LPGAT1: variants seen among roughly 807,000 people sequenced by gnomAD.
The protein encoded by LPGAT1 is acyl-CoA:lysophosphatidylglycerol acyltransferase 1.
LPGAT1 carries 11 observed loss-of-function variants against 47.5 expected under a neutral mutation model. The ratio of observed to expected loss-of-function variants is 0.23; its 90% CI spans 0.15 to 0.38. LPGAT1 has a LOEUF of 0.38. LPGAT1 is among the 10% of genes least tolerant of loss of function. The probability of loss-of-function intolerance (pLI) is 1.00; values close to 1 mark genes in which losing one functional copy is unlikely to be tolerated. For missense variants in LPGAT1, 293 were observed against 439.0 expected, an observed-to-expected ratio of 0.67 and a Z score of 2.97; for synonymous variants, 138 against 144.2, an observed-to-expected ratio of 0.96 and a Z score of 0.31.
At chr1:211,785,064 A>C (rs1185274813) in intron 4 of LPGAT1, among the ~76,000 whole-genome samples, 1 of 152,044 alleles carries the variant, frequency 6.6e-6, no homozygotes, top group East Asian at 1.9e-4. Context: ...TGGCCTCCCA[A>C]AGTGCTGGGA....
chr1:211,757,254 CAAA>C (rs201385915), intron 6 of LPGAT1, among the ~76,000 whole-genome samples: 1 of 135,306 alleles, frequency 7.4e-6, no homozygotes, highest in African/African-American at 2.7e-5. Flanking sequence ...AATTCTGTCT[CAAA>C]AAAAAAAAAA....
chr1:211,782,212 C>T lies in LPGAT1; in HGVS notation c.727+1017G>A, dbSNP rs77998956. On this transcript the variant is annotated intron_variant, in intron 5 of 7. Coordinates refer to ENST00000366997, the MANE Select transcript of LPGAT1 (RefSeq NM_014873.3). Reference sequence around the variant, plus strand: ...TCATTTGTAACAGCTGTGTTGTATTCCGTTGTATGGATATTTGATAATTAC... The same window carrying T: ...TCATTTGTAACAGCTGTGTTGTATTTCGTTGTATGGATATTTGATAATTAC... Among the ~76,000 whole-genome samples, 470 of 152,274 alleles carry T rather than the reference C, an allele frequency of 3.1e-3. 1 individual carries two copies. The highest frequency in any genetic ancestry group is 0.011 in the African/African-American group (448 of 41,558).
chr1:211,760,766 T>G (rs564645826), intron 6 of LPGAT1, among the ~76,000 whole-genome samples: 2 of 152,302 alleles, frequency 1.3e-5, no homozygotes, highest in East Asian at 3.9e-4. Flanking sequence ...GCTAATACAT[T>G]ACGGTTCTAG....
Position 211,783,226 on chromosome 1 carries a change from T to C in LPGAT1, c.727+3A>G, listed in dbSNP as rs1185667802. ...AGGTAAAAAATGCTAAAAACCATCA[T>C]ACCTAATTCTTTAGCATCTCCTCCT... On this transcript the variant is annotated splice_donor_region_variant and intron_variant, in intron 5 of 7. Coordinates refer to ENST00000366997, the MANE Select transcript of LPGAT1 (RefSeq NM_014873.3). 1 of 1,604,862 alleles carries C rather than the reference T, an allele frequency of 6.2e-7. No homozygotes were observed. The highest frequency in any genetic ancestry group is 8.5e-7 in the Non-Finnish European group (1 of 1,173,474).
rs1259524828 is a variant in LPGAT1 at position 211,829,089 on chromosome 1, C to T, written c.208G>A (p.Ala70Thr). Reference protein sequence around the residue: ...IMYKWLLGMVASWGWYAGYTV... With the variant: ...IMYKWLLGMVTSWGWYAGYTV... ...TATCCAGCATACCATCCCCAGGAAGCTACCATTCCTAAAAGCCATTTATAC... is the reference window on the plus strand; with the variant it reads ...TATCCAGCATACCATCCCCAGGAAGTTACCATTCCTAAAAGCCATTTATAC... The change falls in exon 2 of 8, where the codon GCT (alanine) becomes ACT (threonine). Residue 70 changes from alanine (A) to threonine (T), a missense_variant. Transcript: ENST00000366997. The T allele has an allele frequency of 1.2e-6, 2 of 1,614,028 alleles. No individual in the cohort carries two copies. Among genetic ancestry groups the T allele is most frequent in the East Asian group, 2.2e-5 (1 of 44,896 alleles).
chr1:211,782,586 T>C (rs1482572198), intron 5 of LPGAT1, among the ~76,000 whole-genome samples: 1 of 151,982 alleles, frequency 6.6e-6, no homozygotes, highest in African/African-American at 2.4e-5. Flanking sequence ...AACTAAAGAA[T>C]TAGCCAGGCA....
chr1:211,806,669 A>C (rs558535018), intron 2 of LPGAT1, among the ~76,000 whole-genome samples: 1 of 152,338 alleles, frequency 6.6e-6, no homozygotes, highest in South Asian at 2.1e-4. Context: ...CAAAAATTTA[A>C]CAAATAAAAT....
rs1285223732 is a variant in LPGAT1 at position 211,830,114 on chromosome 1, G to A, written c.-28+459C>T. 1.0e-6 allele frequency: 1 copy of A among 984,350 alleles called. No individual in the cohort carries two copies. The highest frequency in any genetic ancestry group is 1.8e-5 in the African/African-American group (1 of 57,134). The allele number at this position is 984,350 out of a possible 1,614,324, so 61.0% of individuals were successfully genotyped here. A position where few individuals can be genotyped will look rare whatever the true frequency, so the allele number is the denominator to read the frequency against. On this transcript the variant is annotated intron_variant, in intron 1 of 7. Transcript: ENST00000366997. This position sits in a 1 kb window ranked among gnomAD's most constrained non-coding sequence, Gnocchi z 5.9. Reference sequence around the variant, plus strand: ...GCGACCGCAGCGCGGGGAGCCGGTGGAGCCTGCAGCGGTTTCCGCGGATGT... The same window carrying A: ...GCGACCGCAGCGCGGGGAGCCGGTGAAGCCTGCAGCGGTTTCCGCGGATGT...
At chr1:211,756,875 CT>C (rs1233456083) in intron 6 of LPGAT1, among the ~76,000 whole-genome samples, 87 of 132,068 alleles carry the variant, frequency 6.6e-4, no homozygotes, top group African/African-American at 6.6e-4. Context: ...TTTTTTCTCT[CT>C]TTTTTTTTTT....
intron 3 of LPGAT1, among the ~76,000 whole-genome samples, chr1:211,792,789 G>T (rs1427055341): frequency 7.7e-6 from 1 of 130,388 alleles, no homozygotes; most frequent in East Asian, 2.3e-4. Flanking sequence ...TCGGCTCACT[G>T]CAATTTCTGC....
At chr1:211,793,764 T>A (rs1467191950) in intron 2 of LPGAT1, among the ~76,000 whole-genome samples, 1 of 152,180 alleles carries the variant, frequency 6.6e-6, no homozygotes, top group Non-Finnish European at 1.5e-5. Flanking sequence ...AAGTTCTATT[T>A]CCTAGAATTT....
chr1:211,751,141 G>A lies in LPGAT1; in HGVS notation c.855-74C>T, dbSNP rs887093591. 10 of 930,440 alleles carry A rather than the reference G, an allele frequency of 1.1e-5. No homozygotes were observed. In the African/African-American group the frequency reaches 1.7e-4, roughly 16 times the overall value. 57.6% of individuals were successfully genotyped at this position (930,440 alleles called of 1,614,324 possible). Reference sequence around the variant, plus strand: ...AAAATCATTCAGAACCACAACTTATGATGAAAAGCTGAATAAAATTGTGTT... The same window carrying A: ...AAAATCATTCAGAACCACAACTTATAATGAAAAGCTGAATAAAATTGTGTT... On this transcript the variant is annotated intron_variant, in intron 6 of 7. Coordinates refer to ENST00000366997, the MANE Select transcript of LPGAT1 (RefSeq NM_014873.3).
intron 2 of LPGAT1, among the ~76,000 whole-genome samples, chr1:211,821,929 C>G (rs1660379859): frequency 6.6e-6 from 1 of 152,108 alleles, no homozygotes; most frequent in South Asian, 2.1e-4. Context: ...AGAACCATGA[C>G]AAATTTTTGA....
chr1:211,744,957 C>T lies in LPGAT1; in HGVS notation c.*4942G>A, dbSNP rs1225705418. On this transcript the variant is annotated 3_prime_UTR_variant, in exon 8 of 8. Transcript: ENST00000366997. ...CTGGTAAAACACACATGCCCCATCC[C>T]CACTGCTAAGAATTAAAAGCACTTT... is the stretch of plus-strand genomic sequence containing the variant. The T allele has an allele frequency of 6.6e-6, 1 of 152,530 alleles. No homozygotes were observed. The highest frequency in any genetic ancestry group is 1.5e-5 in the Non-Finnish European group (1 of 68,022). 9.4% of individuals were successfully genotyped at this position (152,530 alleles called of 1,614,324 possible).
chr1:211,786,041 T>G (rs1236582163), intron 4 of LPGAT1, among the ~76,000 whole-genome samples: 2 of 152,238 alleles, frequency 1.3e-5, no homozygotes, highest in Non-Finnish European at 2.9e-5. Context: ...CTAAGCTTTC[T>G]AATTGTTGGT....
intron 6 of LPGAT1, among the ~76,000 whole-genome samples, chr1:211,771,599 G>A (rs1417280940): frequency 6.6e-6 from 1 of 152,054 alleles, no homozygotes; most frequent in Non-Finnish European, 1.5e-5. Context: ...CGCCTCCTGG[G>A]TTCAAGCAAT....
chr1:211,829,601 C>T, intron 1 of LPGAT1: 1 of 1,204,166 alleles, frequency 8.3e-7, no homozygotes, highest in Non-Finnish European at 1.0e-6. Context: ...AATCGGTGGC[C>T]GTCCCCGCAC....
At chr1:211,809,519 C>G (rs1659887730) in intron 2 of LPGAT1, among the ~76,000 whole-genome samples, 1 of 152,080 alleles carries the variant, frequency 6.6e-6, no homozygotes, top group Non-Finnish European at 1.5e-5. Flanking sequence ...GTGTCCCTGC[C>G]CAAATCTCAT....
chr1:211,808,377 C>T (rs556852756), intron 2 of LPGAT1, among the ~76,000 whole-genome samples: 1 of 147,950 alleles, frequency 6.8e-6, no homozygotes, highest in African/African-American at 2.5e-5. Context: ...CCTCTCAAAA[C>T]TCAGCATTAA....
Sources: allele counts gnomAD v4.1 joint callset (sites outside exome capture counted in the v4.1 genomes callset), GRCh38; gene constraint gnomAD v4.1.1; non-coding constraint Gnocchi (gnomAD v3.1); transcripts MANE v1.5; gene names NCBI Gene and HGNC (gene_info 2026-07-23, HGNC 2026-07-21).